The following FBN2 variants were observed in gnomAD, a reference collection of about 807,000 sequenced individuals.
FBN2 encodes fibrillin-2.
FBN2 carries 105 observed loss-of-function variants against 355.6 expected under a neutral mutation model. The ratio of observed to expected loss-of-function variants is 0.30; its 90% CI spans 0.25 to 0.35. The LOEUF (loss-of-function observed/expected upper bound fraction) is 0.35, where lower values mean the gene tolerates loss of function less well. Ranked by LOEUF, FBN2 falls within the 10% of genes least tolerant of loss-of-function variation. The pLI, the probability that FBN2 is intolerant of heterozygous loss-of-function variation, is 1.00. For synonymous variants in FBN2, 1,350 were observed against 1,301.2 expected, an observed-to-expected ratio of 1.04 and a Z score of -0.81; for missense variants, 3,280 against 3,758.7, an observed-to-expected ratio of 0.87 and a Z score of 3.33.
intron 5 of FBN2, among the ~76,000 whole-genome samples, chr5:128,505,501 T>C (rs1755931495): frequency 6.6e-6 from 1 of 152,162 alleles, no homozygotes; most frequent in Non-Finnish European, 1.5e-5. Context: ...ATCAGCATCA[T>C]ATATTTAAAG....
intron 48 of FBN2, among the ~76,000 whole-genome samples, chr5:128,292,470 T>C (rs1450633205): frequency 6.6e-6 from 1 of 152,214 alleles, no homozygotes; most frequent in Non-Finnish European, 1.5e-5. Flanking sequence ...TCTGGCTCGC[T>C]GTTGCACCTT....
chr5:128,395,043 C>G (rs1752610929), intron 9 of FBN2, 79 bp downstream of exon 9: 1 of 1,543,136 alleles, frequency 6.5e-7, no homozygotes. Context: ...GCCTTGGTCT[C>G]CCAGAGAGCA....
chr5:128,275,997 A>G, intron 59 of FBN2, 41 bp downstream of exon 59: 1 of 1,608,766 alleles, frequency 6.2e-7, no homozygotes, highest in Non-Finnish European at 8.5e-7. Context: ...GAAAGAAAAG[A>G]TACAGACTAG....
At chr5:128,526,031 AC>A (rs1454788158) in intron 4 of FBN2, among the ~76,000 whole-genome samples, 1 of 152,074 alleles carries the variant, frequency 6.6e-6, no homozygotes, top group Admixed American at 6.6e-5. Context: ...AAGTTGACCT[AC>A]CCCTGACCTT....
At chr5:128,505,042 A>G (rs1202331041) in intron 5 of FBN2, among the ~76,000 whole-genome samples, 1 of 152,168 alleles carries the variant, frequency 6.6e-6, no homozygotes, top group Non-Finnish European at 1.5e-5. Context: ...TTTCTCCTAC[A>G]CAAGCTCTCT....
chr5:128,505,609 T>C (rs982746953), intron 5 of FBN2, among the ~76,000 whole-genome samples: 1 of 152,176 alleles, frequency 6.6e-6, no homozygotes, highest in African/African-American at 2.4e-5. Context: ...TGTTCCTGTG[T>C]CATTGTTCTA....
At chr5:128,482,146 T>G (rs1039475725) in intron 5 of FBN2, among the ~76,000 whole-genome samples, 1 of 151,974 alleles carries the variant, frequency 6.6e-6, no homozygotes, top group African/African-American at 2.4e-5. Context: ...AAAACCATAG[T>G]CAAAATATAT....
intron 62 of FBN2, among the ~76,000 whole-genome samples, chr5:128,266,430 C>G (rs1765114512): frequency 6.6e-6 from 1 of 152,200 alleles, no homozygotes; most frequent in South Asian, 2.1e-4. Flanking sequence ...CGGCTTCTGG[C>G]TGGACTCCAT....
At chr5:128,324,914 C>T (rs557163644) in intron 34 of FBN2, among the ~76,000 whole-genome samples, 6 of 152,246 alleles carry the variant, frequency 3.9e-5, no homozygotes, top group Non-Finnish European at 7.4e-5. Context: ...CCACTGCGCT[C>T]GGCCATGAGT....
chr5:128,514,597 T>C (rs1010071194), intron 5 of FBN2, among the ~76,000 whole-genome samples: 2 of 152,176 alleles, frequency 1.3e-5, no homozygotes, highest in African/African-American at 4.8e-5. Context: ...TAAAAATTAG[T>C]TTAGTTACAC....
chr5:128,476,253 C>T (rs1178643212), intron 5 of FBN2, among the ~76,000 whole-genome samples: 1 of 152,022 alleles, frequency 6.6e-6, no homozygotes, highest in African/African-American at 2.4e-5. Flanking sequence ...AAATATAATG[C>T]TTTATATACT....
In FBN2 at chr5:128,291,567, G is replaced by C. The variant is rs2126822046; in HGVS notation, c.6254C>G (p.Pro2085Arg). ...TPGGFQCLCP[P>R]GFVLSDNGRR... ...TCCATTATCAGATAGTACAAAGCCA[G>C]GGGGGCAGAGGCACTGGAAGCCCCC... The change falls in exon 49 of 65, where the codon CCT becomes CGT. Residue 2085 changes from proline to arginine, a missense_variant. This residue lies in a region of FBN2 where 2,284 missense variants were observed against 2,749.5 expected (regional missense o/e 0.83). Transcript: ENST00000262464. The C allele has an allele frequency of 6.2e-7, 1 of 1,613,750 alleles. No individual in the cohort carries two copies. The highest frequency in any genetic ancestry group is 8.5e-7 in the Non-Finnish European group (1 of 1,179,692).
At chr5:128,537,308 C>G (rs1204637248) in intron 1 of FBN2, 42 bp downstream of exon 1, 1 of 1,605,314 alleles carries the variant, frequency 6.2e-7, no homozygotes. Flanking sequence ...TCCCCCCTCC[C>G]CCAAGCCGGA....
intron 55 of FBN2, among the ~76,000 whole-genome samples, chr5:128,283,388 C>A (rs1375758777): frequency 6.6e-6 from 1 of 152,166 alleles, no homozygotes; most frequent in African/African-American, 2.4e-5. Context: ...ACTGAAACCT[C>A]CTGAAGAAGT....
chr5:128,320,656 C>T (rs1205782093), intron 34 of FBN2, among the ~76,000 whole-genome samples: 1 of 151,940 alleles, frequency 6.6e-6, no homozygotes, highest in Non-Finnish European at 1.5e-5. Context: ...ATACAGAAAA[C>T]AAAACAGCAA....
chr5:128,466,142 G>C (rs1754704665), intron 5 of FBN2, among the ~76,000 whole-genome samples: 1 of 152,146 alleles, frequency 6.6e-6, no homozygotes, highest in Non-Finnish European at 1.5e-5. Flanking sequence ...AGAGATACAA[G>C]AAATCAGAGA....
Position 128,414,251 on chromosome 5 carries a change from C to A in FBN2, c.953-5452G>T, listed in dbSNP as rs561484763. On this transcript the variant is annotated intron_variant, in intron 7 of 64. Transcript: ENST00000262464. ...GATTTCAGAACATTTTCATCCCCCC[C>A]CAAGGAAATTCCAGCCTATTAGCAA... 1.2e-4 allele frequency among the ~76,000 whole-genome samples: 18 copies of A among 152,270 alleles called. No homozygotes were observed. The South Asian group carries it at 2.1e-3, about 18-fold the overall frequency.
intron 8 of FBN2, among the ~76,000 whole-genome samples, chr5:128,407,051 T>A (rs1180593069): frequency 6.7e-6 from 1 of 149,898 alleles, no homozygotes; most frequent in African/African-American, 2.5e-5. Context: ...CCAACAGACA[T>A]CTTACTTCTC....
At chr5:128,349,565 AT>A in intron 22 of FBN2, 93 bp from the exon 23 acceptor site, 7 of 1,370,866 alleles carry the variant, frequency 5.1e-6, no homozygotes, top group Non-Finnish European at 3.1e-6. Context: ...TTCAATCCAC[AT>A]TCAATACAAT....
Sources: gnomAD v4.1 joint callset for allele counts (sites outside exome capture counted in the v4.1 genomes callset) on GRCh38, gnomAD v4.1.1 for gene constraint, gnomAD v4.1.1 regional missense constraint, MANE v1.5 for transcripts, NCBI Gene and HGNC (gene_info 2026-07-23, HGNC 2026-07-21) for gene names.